Variants in SNX24 observed in about 807,000 individuals in gnomAD.
SNX24 encodes the protein sorting nexin 24, also known as sorting nexin-24.
Under a neutral mutation model 28.7 loss-of-function variants are expected in SNX24, and 22 were observed. The observed-to-expected ratio is 0.77, with a 90% CI of 0.55 to 1.10. The LOEUF is 1.10. SNX24 is among the 50% of genes least tolerant of loss of function. SNX24 has a pLI of 0.00. For missense variants in SNX24, 221 were observed against 201.1 expected, an observed-to-expected ratio of 1.10 and a Z score of -0.60; for synonymous variants, 69 against 71.5, an observed-to-expected ratio of 0.96 and a Z score of 0.18.
chr5:122,856,337 C>A (rs938812242), intron 1 of SNX24, among the ~76,000 whole-genome samples: 5 of 151,964 alleles, frequency 3.3e-5, no homozygotes, highest in Non-Finnish European at 5.9e-5. Context: ...TATTCCATGG[C>A]GTATATGTAC....
At chr5:122,861,211 G>A (rs566500270) in intron 1 of SNX24, among the ~76,000 whole-genome samples, 12 of 152,102 alleles carry the variant, frequency 7.9e-5, no homozygotes, top group African/African-American at 1.7e-4. Context: ...ATGGTGGTGC[G>A]CCCCTGTAAT....
intron 1 of SNX24, among the ~76,000 whole-genome samples, chr5:122,890,563 A>G (rs1366172016): frequency 6.7e-6 from 1 of 148,694 alleles, no homozygotes; most frequent in African/African-American, 2.5e-5. Context: ...TCCGCCTCCT[A>G]GGTTCAAGCG....
intron 3 of SNX24, among the ~76,000 whole-genome samples, chr5:122,965,092 T>G (rs1378727905): frequency 6.6e-6 from 1 of 152,230 alleles, no homozygotes; most frequent in Non-Finnish European, 1.5e-5. Flanking sequence ...CACAGGACCC[T>G]TAATTTCATT....
intron 3 of SNX24, among the ~76,000 whole-genome samples, chr5:122,987,030 A>G (rs1761633135): frequency 6.6e-6 from 1 of 152,214 alleles, no homozygotes; most frequent in Non-Finnish European, 1.5e-5. Flanking sequence ...TTTCTCCGCT[A>G]TAGCAGGAGG....
chr5:122,885,881 ATTAG>A (rs1756686000), intron 1 of SNX24, among the ~76,000 whole-genome samples: 1 of 152,166 alleles, frequency 6.6e-6, no homozygotes, highest in African/African-American at 2.4e-5. Context: ...ATCATCAGGC[ATTAG>A]TTAGATTCTC....
intron 1 of SNX24, among the ~76,000 whole-genome samples, chr5:122,855,027 G>A (rs906305583): frequency 2.0e-5 from 3 of 152,054 alleles, no homozygotes; most frequent in African/African-American, 4.8e-5. Context: ...TGACTGATCA[G>A]GGTGGTGGTT....
chr5:123,013,114 A>T (rs796820141), downstream of SNX24, among the ~76,000 whole-genome samples: 12 of 152,222 alleles, frequency 7.9e-5, no homozygotes, highest in African/African-American at 2.4e-4. Flanking sequence ...CTGAAGAAGC[A>T]GGAAGGACAA....
chr5:122,900,573 G>T (rs1011631368), intron 1 of SNX24, among the ~76,000 whole-genome samples: 6 of 152,004 alleles, frequency 3.9e-5, no homozygotes, highest in Non-Finnish European at 8.8e-5. Flanking sequence ...TTTGAGACCA[G>T]CCTGGGCAAC....
chr5:122,982,208 A>T (rs931084485), intron 3 of SNX24, among the ~76,000 whole-genome samples: 1 of 152,214 alleles, frequency 6.6e-6, no homozygotes, highest in African/African-American at 2.4e-5. Flanking sequence ...TGTCAAGGGC[A>T]TGCCAGTGCT....
At chr5:122,913,981 G>T (rs771101746) in intron 1 of SNX24, among the ~76,000 whole-genome samples, 2 of 152,180 alleles carry the variant, frequency 1.3e-5, no homozygotes, top group African/African-American at 2.4e-5. Context: ...GTGGCGGCGC[G>T]CACCTGCAAT....
At chr5:122,880,799 C>T (rs1419769341) in intron 1 of SNX24, among the ~76,000 whole-genome samples, 1 of 152,098 alleles carries the variant, frequency 6.6e-6, no homozygotes, top group Non-Finnish European at 1.5e-5. Flanking sequence ...CTTTCAAGCC[C>T]CAGGTGATTC....
At chr5:122,912,499 A>G (rs1429329528) in intron 1 of SNX24, among the ~76,000 whole-genome samples, 1 of 152,084 alleles carries the variant, frequency 6.6e-6, no homozygotes, top group Non-Finnish European at 1.5e-5. Context: ...CAGAACTTCC[A>G]ACACTATGTT....
intron 1 of SNX24, among the ~76,000 whole-genome samples, chr5:122,911,007 T>C (rs986423818): frequency 5.3e-5 from 8 of 152,174 alleles, no homozygotes; most frequent in African/African-American, 2.4e-5. Flanking sequence ...CTGGGTCAAA[T>C]GGTATTTGTA....
chr5:122,917,135 C>T (rs1017275885), intron 1 of SNX24, among the ~76,000 whole-genome samples: 15 of 151,690 alleles, frequency 9.9e-5, no homozygotes, highest in African/African-American at 3.4e-4. Context: ...GGTGTGTTGG[C>T]GTGCACCTGT....
intron 1 of SNX24, among the ~76,000 whole-genome samples, chr5:122,874,203 C>T (rs570763239): frequency 1.8e-4 from 27 of 152,266 alleles, no homozygotes; most frequent in Middle Eastern, 6.8e-3. Flanking sequence ...AAATTATTAG[C>T]CTCAGTTTCC....
chr5:122,910,909 A>C (rs1226594388), intron 1 of SNX24, among the ~76,000 whole-genome samples: 1 of 151,990 alleles, frequency 6.6e-6, no homozygotes, highest in East Asian at 1.9e-4. Flanking sequence ...TGCTATTGTG[A>C]ATAATGCCTC....
chr5:122,921,449 T>C (rs1007035406), intron 1 of SNX24, among the ~76,000 whole-genome samples: 3 of 152,182 alleles, frequency 2.0e-5, no homozygotes, highest in Admixed American at 6.5e-5. Context: ...AAAGGTCTTA[T>C]TCAAAAAGTT....
At chr5:122,952,554 C>T (rs747464261) in intron 3 of SNX24, among the ~76,000 whole-genome samples, 1 of 152,194 alleles carries the variant, frequency 6.6e-6, no homozygotes, top group Non-Finnish European at 1.5e-5. Context: ...GAAACCTACC[C>T]AAGCCACCCG....
chr5:122,953,717 G>A (rs989698144), intron 3 of SNX24, among the ~76,000 whole-genome samples: 6 of 152,120 alleles, frequency 3.9e-5, no homozygotes, highest in African/African-American at 9.7e-5. Flanking sequence ...TTACAATAAC[G>A]TGGAATTTAT....
Sources: gnomAD v4.1 joint callset for allele counts (sites outside exome capture counted in the v4.1 genomes callset) on GRCh38, gnomAD v4.1.1 for gene constraint, MANE v1.5 for transcripts, NCBI Gene and HGNC (gene_info 2026-07-23, HGNC 2026-07-21) for gene names.